The following CCDC192 variants were observed in gnomAD, a reference collection of about 807,000 sequenced individuals.
The protein encoded by CCDC192 is coiled-coil domain containing 192, also known as coiled-coil domain-containing protein 192.
intron 2 of CCDC192, among the ~76,000 whole-genome samples, chr5:127,742,153 C>T (rs1415108646): frequency 6.6e-6 from 1 of 152,122 alleles, no homozygotes; most frequent in Non-Finnish European, 1.5e-5. Context: ...ATTTTTTGAA[C>T]TTAAATGAAT....
chr5:127,817,831 T>C (rs1364972043), intron 5 of CCDC192, among the ~76,000 whole-genome samples: 1 of 152,168 alleles, frequency 6.6e-6, no homozygotes, highest in East Asian at 1.9e-4. Flanking sequence ...AATGCATATC[T>C]AGGATGAGGG....
intron 2 of CCDC192, among the ~76,000 whole-genome samples, chr5:127,713,073 A>G (rs1200354819): frequency 6.6e-6 from 1 of 152,068 alleles, no homozygotes; most frequent in Non-Finnish European, 1.5e-5. Context: ...TGTCTCTACT[A>G]AAAATACAAA....
chr5:127,928,797 G>A (rs886314295), intron 6 of CCDC192, among the ~76,000 whole-genome samples: 4 of 150,560 alleles, frequency 2.7e-5, no homozygotes, highest in Non-Finnish European at 4.4e-5. Flanking sequence ...ACGGAGTCTC[G>A]CTCTGTTGCC....
intron 5 of CCDC192, among the ~76,000 whole-genome samples, chr5:127,841,344 T>C (rs944861815): frequency 1.3e-5 from 2 of 152,208 alleles, no homozygotes; most frequent in Admixed American, 1.3e-4. Flanking sequence ...CATTACTTTC[T>C]CTCAGGGGAA....
chr5:127,810,592 C>G (rs1758027500), intron 5 of CCDC192, among the ~76,000 whole-genome samples: 2 of 151,980 alleles, frequency 1.3e-5, no homozygotes, highest in Non-Finnish European at 1.5e-5. Context: ...TTCTGATGGT[C>G]AAAATAATCA....
chr5:127,854,593 A>G (rs1393539468), intron 5 of CCDC192, among the ~76,000 whole-genome samples: 1 of 152,200 alleles, frequency 6.6e-6, no homozygotes, highest in African/African-American at 2.4e-5. Flanking sequence ...GGTTTTGGAA[A>G]GTATCCCCTG....
intron 2 of CCDC192, among the ~76,000 whole-genome samples, chr5:127,714,337 A>G (rs1219898069): frequency 2.0e-5 from 3 of 152,110 alleles, no homozygotes; most frequent in African/African-American, 7.2e-5. Flanking sequence ...TACTAATTTC[A>G]TTTGCTTTGG....
At chr5:127,723,984 G>A (rs1358849179) in intron 2 of CCDC192, among the ~76,000 whole-genome samples, 1 of 152,120 alleles carries the variant, frequency 6.6e-6, no homozygotes, top group Non-Finnish European at 1.5e-5. Flanking sequence ...TCTGTACTTA[G>A]GTTCAGAGAA....
chr5:127,781,667 T>A (rs1213436058), intron 3 of CCDC192, among the ~76,000 whole-genome samples: 1 of 151,996 alleles, frequency 6.6e-6, no homozygotes, highest in Non-Finnish European at 1.5e-5. Flanking sequence ...GAAGAGCTAC[T>A]GATTTGTGTA....
rs150947688 is a variant in CCDC192 at position 127,870,467 on chromosome 5, G to A, written c.412-5071G>A. ...TGCAGACTGAAGTTGTCATTGGAAA[G>A]AAAAATCAACATCTGGAAATAAAAA... On this transcript the variant is annotated intron_variant, in intron 5 of 6. Transcript: ENST00000514853. 4.7e-3 allele frequency among the ~76,000 whole-genome samples: 717 copies of A among 152,292 alleles called. 4 individuals carry two copies. Among genetic ancestry groups the A allele is most frequent in the African/African-American group, 0.016 (676 of 41,566 alleles).
intron 3 of CCDC192, among the ~76,000 whole-genome samples, chr5:127,781,916 G>A (rs1234044484): frequency 6.6e-6 from 1 of 152,134 alleles, no homozygotes; most frequent in Non-Finnish European, 1.5e-5. Flanking sequence ...TCTAGTTCCA[G>A]TTCTCAGAGA....
At chr5:127,848,544 G>A (rs1025250623) in intron 5 of CCDC192, among the ~76,000 whole-genome samples, 1 of 152,114 alleles carries the variant, frequency 6.6e-6, no homozygotes, top group African/African-American at 2.4e-5. Context: ...ACTCTTCAGG[G>A]ATTCAAAACC....
chr5:127,919,426 C>G (rs1000857430), intron 6 of CCDC192, among the ~76,000 whole-genome samples: 1 of 129,256 alleles, frequency 7.7e-6, no homozygotes, highest in Admixed American at 7.2e-5. Flanking sequence ...TCTGTGGATA[C>G]GAAAAAAAAC....
At chr5:127,829,145 AGTCATGGAGAGGGGGG>A (rs1317766667) in intron 5 of CCDC192, among the ~76,000 whole-genome samples, 1 of 152,180 alleles carries the variant, frequency 6.6e-6, no homozygotes, top group Non-Finnish European at 1.5e-5. Flanking sequence ...AGGTGGCAGC[AGTCATGGAGAGGGGGG>A]AGTCTGTTGA....
chr5:127,851,026 A>C (rs1580749549), intron 5 of CCDC192, among the ~76,000 whole-genome samples: 1 of 152,184 alleles, frequency 6.6e-6, no homozygotes, highest in South Asian at 2.1e-4. Context: ...AGAAGCAACA[A>C]GAAGCACCTG....
At chr5:127,782,504 G>C (rs570816077) in intron 3 of CCDC192, among the ~76,000 whole-genome samples, 74 of 151,854 alleles carry the variant, frequency 4.9e-4, no homozygotes, top group African/African-American at 1.7e-3. Context: ...GCTTGTTATT[G>C]GTCTGTTTAG....
chr5:127,848,519 AG>A (rs147844549), intron 5 of CCDC192, among the ~76,000 whole-genome samples: 2,211 of 152,254 alleles, frequency 0.015, 49 homozygotes, highest in African/African-American at 0.05. Context: ...AGCAATTAAA[AG>A]CTCAGGCCGG....
intron 2 of CCDC192, among the ~76,000 whole-genome samples, chr5:127,752,248 C>G (rs1315667858): frequency 1.3e-5 from 2 of 152,164 alleles, no homozygotes; most frequent in African/African-American, 4.8e-5. Context: ...GTGGTTTTAT[C>G]TACTTTTGGT....
chr5:127,920,831 TGGGA>T (rs771033857), intron 6 of CCDC192, among the ~76,000 whole-genome samples: 78 of 151,126 alleles, frequency 5.2e-4, no homozygotes, highest in Non-Finnish European at 8.6e-4. Flanking sequence ...GAGGCTGAGG[TGGGA>T]GGATCACTTG....
Sources: gnomAD v4.1 joint callset for allele counts (sites outside exome capture counted in the v4.1 genomes callset) on GRCh38, gnomAD v4.1.1 for gene constraint, MANE v1.5 for transcripts, NCBI Gene and HGNC (gene_info 2026-07-23, HGNC 2026-07-21) for gene names.